MAMDC2: variants seen among roughly 807,000 people sequenced by gnomAD.
MAMDC2 encodes MAM domain containing 2.
A neutral mutation model predicts 89.8 loss-of-function variants in MAMDC2; 57 were observed. The observed-to-expected ratio is 0.63, with a 90% CI of 0.51 to 0.79. The LOEUF (loss-of-function observed/expected upper bound fraction) is 0.79. Among genes scored for constraint, MAMDC2 ranks in the 30% least tolerant of loss-of-function variants. The pLI, the probability that MAMDC2 is intolerant of heterozygous loss-of-function variation, is 0.00. For synonymous variants in MAMDC2, 313 were observed against 293.4 expected (o/e 1.07, Z -0.68); for missense variants, 800 against 820.6 (o/e 0.97, Z 0.31).
chr9:70,194,585 C>T (rs1051102888), intron 11 of MAMDC2: 5 of 152,112 alleles, frequency 3.3e-5, no homozygotes, highest in Non-Finnish European at 7.4e-5. Context: ...GTTCTTTATA[C>T]ATTACCTAAT....
intron 12 of MAMDC2, among the ~76,000 whole-genome samples, chr9:70,224,183 G>A (rs2033610278): frequency 7.0e-6 from 1 of 143,260 alleles, no homozygotes; most frequent in Non-Finnish European, 1.5e-5. Flanking sequence ...TTAGCACTGT[G>A]TATTAATCAG....
rs564321884 is a variant in MAMDC2 at position 70,103,355 on chromosome 9, G to C, written c.149-4856G>C. ...TTTCAAAACTTACTACACAGCTACA[G>C]TAAGGAGGACTCTGTGGTACTGGCA... On this transcript the variant is annotated intron_variant, in intron 2 of 13. Transcript: ENST00000377182. 5.6e-4 allele frequency among the ~76,000 whole-genome samples: 85 copies of C among 152,146 alleles called. 1 individual carries two copies. In the South Asian group the frequency reaches 0.011, roughly 20 times the overall value.
chr9:70,209,637 A>AG (rs1462995730), intron 11 of MAMDC2, among the ~76,000 whole-genome samples: 3 of 152,030 alleles, frequency 2.0e-5, no homozygotes, highest in African/African-American at 7.2e-5. Flanking sequence ...TATCTCTTTC[A>AG]GTTCCGCTCT....
intron 2 of MAMDC2, among the ~76,000 whole-genome samples, chr9:70,102,884 C>A (rs1395603347): frequency 6.6e-6 from 1 of 152,224 alleles, no homozygotes; most frequent in Non-Finnish European, 1.5e-5. Flanking sequence ...CCCCCAGATC[C>A]CTGGCCTGAT....
At chr9:70,099,465 G>A (rs1353355476) in intron 2 of MAMDC2, among the ~76,000 whole-genome samples, 2 of 152,086 alleles carry the variant, frequency 1.3e-5, no homozygotes, top group Non-Finnish European at 2.9e-5. Flanking sequence ...TTCTCTCCAC[G>A]ATAGAAATCT....
chr9:70,053,679 A>G (rs1279903079), intron 2 of MAMDC2, among the ~76,000 whole-genome samples: 1 of 152,226 alleles, frequency 6.6e-6, no homozygotes, highest in Non-Finnish European at 1.5e-5. Context: ...GGCAAGAGTA[A>G]TACAGAGATG....
chr9:70,115,780 G>A (rs949380106), intron 5 of MAMDC2, among the ~76,000 whole-genome samples: 2 of 152,136 alleles, frequency 1.3e-5, no homozygotes, highest in Non-Finnish European at 2.9e-5. Context: ...ACCAGTCATG[G>A]CAAAGTAATC....
chr9:70,199,154 C>T (rs1281621713), intron 11 of MAMDC2, among the ~76,000 whole-genome samples: 3 of 145,534 alleles, frequency 2.1e-5, no homozygotes, highest in African/African-American at 7.6e-5. Context: ...TGCGCTGCAC[C>T]CACTAACTCG....
intron 11 of MAMDC2, chr9:70,217,184 G>A (rs762870169): frequency 7.1e-6 from 5 of 707,968 alleles, no homozygotes; most frequent in Non-Finnish European, 1.3e-5. Context: ...TCTTCCCGTG[G>A]AGCCGTCGCC....
Position 70,108,310 on chromosome 9 carries a change from T to A in MAMDC2, c.248T>A (p.Leu83Ter), listed in dbSNP as rs1828399264. 4 of 1,613,996 alleles carry A rather than the reference T, an allele frequency of 2.5e-6. No individual in the cohort carries two copies. The African/African-American group carries it at 4.0e-5, about 16-fold the overall frequency. Residue 83 changes from leucine (L) to a stop codon, truncating the protein, a stop_gained, in exon 3 of 14, where the codon TTG becomes TAG. Coordinates refer to ENST00000377182, the MANE Select transcript of MAMDC2 (RefSeq NM_153267.5). LOFTEE classifies it high-confidence loss of function. ...GCTGAGGAATGGAGCTGCCTCCGTTTGGTCTACCAGATAACCACATCTTCG... is the reference window on the plus strand; with the variant it reads ...GCTGAGGAATGGAGCTGCCTCCGTTAGGTCTACCAGATAACCACATCTTCG... Reference protein sequence around the residue: ...LQAEEWSCLRLVYQITTSSES... With the variant: ...LQAEEWSCLR
intron 9 of MAMDC2, among the ~76,000 whole-genome samples, chr9:70,167,079 A>G (rs2032198949): frequency 6.6e-6 from 1 of 152,212 alleles, no homozygotes; most frequent in African/African-American, 2.4e-5. Flanking sequence ...AATATTTTAC[A>G]TGTTCAGATC....
At chr9:70,184,575 C>A (rs190771916) in intron 11 of MAMDC2, among the ~76,000 whole-genome samples, 32 of 152,022 alleles carry the variant, frequency 2.1e-4, no homozygotes, top group Admixed American at 4.6e-4. Context: ...AGGCTTTGAT[C>A]ATCTTTTTCA....
At chr9:70,181,221 T>G (rs980991639) in intron 11 of MAMDC2, among the ~76,000 whole-genome samples, 2 of 152,250 alleles carry the variant, frequency 1.3e-5, no homozygotes, top group African/African-American at 4.8e-5. Flanking sequence ...ATGTCTGTTT[T>G]GGCACCAGTA....
intron 11 of MAMDC2, among the ~76,000 whole-genome samples, chr9:70,192,436 T>C (rs2032898886): frequency 6.6e-6 from 1 of 152,148 alleles, no homozygotes; most frequent in South Asian, 2.1e-4. Context: ...GTCTGGCCTC[T>C]TACAACATAT....
chr9:70,170,300 A>G, intron 10 of MAMDC2, 179 bp from the exon 11 acceptor site: 1 of 506,606 alleles, frequency 2.0e-6, no homozygotes, highest in Non-Finnish European at 3.4e-6. Context: ...CAGGACCCGC[A>G]GTGGAATGCA....
Position 70,119,571 on chromosome 9 carries a change from G to A in MAMDC2, c.643+6439G>A, listed in dbSNP as rs73647412. ...TTTCTCTGCCCTTGGATGACTTACT[G>A]TGGCTTTCCAGTTACTTTCAGGTAT... On this transcript the variant is annotated intron_variant, in intron 5 of 13. Transcript: ENST00000377182. Among the ~76,000 whole-genome samples the A allele has an allele frequency of 7.8e-3, 1,182 of 152,274 alleles. 13 individuals carry two copies. Among genetic ancestry groups the A allele is most frequent in the African/African-American group, 0.027 (1,135 of 41,550 alleles).
At chr9:70,093,838 T>G (rs1048909084) in intron 2 of MAMDC2, 1 of 152,320 alleles carries the variant, frequency 6.6e-6, no homozygotes, top group African/African-American at 2.4e-5. Context: ...ACAAACACTC[T>G]CTATCGGGTA....
chr9:70,055,413 G>A (rs3015238), intron 2 of MAMDC2, among the ~76,000 whole-genome samples: 49,380 of 151,988 alleles, frequency 0.32, 8,732 homozygotes, highest in African/African-American at 0.46. Flanking sequence ...GAGTGGGGAT[G>A]TCAAGCCAAG....
intron 11 of MAMDC2, among the ~76,000 whole-genome samples, chr9:70,202,835 T>A (rs1419432011): frequency 6.6e-6 from 1 of 151,224 alleles, no homozygotes; most frequent in African/African-American, 2.4e-5. Flanking sequence ...CTTGTGATCT[T>A]TGTTGGTTTA....
Sources: allele counts gnomAD v4.1 joint callset (sites outside exome capture counted in the v4.1 genomes callset), GRCh38; gene constraint gnomAD v4.1.1; transcripts MANE v1.5; gene names NCBI Gene and HGNC (gene_info 2026-07-23, HGNC 2026-07-21).